Variants in NTM observed in about 807,000 individuals in gnomAD.
The protein encoded by NTM is neurotrimin.
A neutral mutation model predicts 42.1 loss-of-function variants in NTM; 13 were observed. The ratio of observed to expected loss-of-function variants is 0.31; its 90% confidence interval spans 0.20 to 0.49. NTM has a LOEUF of 0.49. Ranked by LOEUF, NTM falls within the 20% of genes least tolerant of loss-of-function variation. The pLI, the probability that NTM is intolerant of heterozygous loss-of-function variation, is 0.99. For missense variants in NTM, 373 were observed against 452.8 expected (o/e 0.82, Z 1.60); for synonymous variants, 187 against 179.2 (o/e 1.04, Z -0.35).
chr11:131,483,217 T>C (rs1321950568), intron 1 of NTM, among the ~76,000 whole-genome samples: 1 of 152,192 alleles, frequency 6.6e-6, no homozygotes, highest in African/African-American at 2.4e-5. Context: ...CTCCTTCACC[T>C]TAGTATTGGA....
intron 1 of NTM, among the ~76,000 whole-genome samples, chr11:131,699,116 C>T (rs368378287): frequency 1.9e-4 from 29 of 152,270 alleles, no homozygotes; most frequent in South Asian, 8.3e-4. Context: ...ACCTTAACAA[C>T]GTTAACTAAA....
At chr11:131,753,017 C>A (rs1472488276) in intron 1 of NTM, among the ~76,000 whole-genome samples, 1 of 149,918 alleles carries the variant, frequency 6.7e-6, no homozygotes, top group Non-Finnish European at 1.5e-5. Context: ...TATCCAGAAT[C>A]TACAATGAGC....
intron 1 of NTM, among the ~76,000 whole-genome samples, chr11:131,836,530 G>A (rs2043518520): frequency 6.6e-6 from 1 of 152,076 alleles, no homozygotes; most frequent in South Asian, 2.1e-4. Flanking sequence ...TAATCAATTT[G>A]TTTATTATCT....
intron 1 of NTM, among the ~76,000 whole-genome samples, chr11:131,423,062 T>C (rs1419459865): frequency 1.3e-5 from 2 of 152,200 alleles, no homozygotes; most frequent in East Asian, 3.9e-4. Context: ...AGCATTTTCA[T>C]CACATGGGAG....
chr11:131,381,323 C>A (rs902191196), intron 1 of NTM, among the ~76,000 whole-genome samples: 16 of 152,166 alleles, frequency 1.1e-4, no homozygotes, highest in Non-Finnish European at 1.3e-4. Flanking sequence ...GAGTACTTGA[C>A]TTTCTTCCTG....
At chr11:131,885,415 C>T (rs1198085579) in intron 1 of NTM, among the ~76,000 whole-genome samples, 1 of 152,190 alleles carries the variant, frequency 6.6e-6, no homozygotes, top group Non-Finnish European at 1.5e-5. Flanking sequence ...AGCCAGCTGA[C>T]ACATAAAAAT....
At chr11:131,453,569 C>A (rs555590849) in intron 1 of NTM, among the ~76,000 whole-genome samples, 1 of 152,066 alleles carries the variant, frequency 6.6e-6, no homozygotes, top group South Asian at 2.1e-4. Context: ...AAAACACAAG[C>A]AAACAAAAGA....
At chr11:131,562,648 G>T (rs1367396456) in intron 1 of NTM, among the ~76,000 whole-genome samples, 2 of 152,148 alleles carry the variant, frequency 1.3e-5, no homozygotes, top group African/African-American at 4.8e-5. Flanking sequence ...ATTCACTTTC[G>T]CTACTTTTCC....
intron 2 of NTM, among the ~76,000 whole-genome samples, chr11:131,982,074 CA>C (rs1436560174): frequency 5.3e-5 from 8 of 151,476 alleles, no homozygotes; most frequent in Admixed American, 4.6e-4. Flanking sequence ...AACAACACAA[CA>C]AAAAACACTA....
chr11:132,258,260 G>A lies in NTM; in HGVS notation c.526+46113G>A, dbSNP rs116186218. On this transcript the variant is annotated intron_variant, in intron 4 of 8. Coordinates refer to ENST00000683400, the MANE Select transcript of NTM (RefSeq NM_001352005.2). ...TTTTCTAAACTCTGTCCTCATCTCA[G>A]TTGTTAATCATCTTCTGCTTCTGTC... 9.2e-4 allele frequency among the ~76,000 whole-genome samples: 140 copies of A among 152,334 alleles called. 1 individual carries two copies. Among genetic ancestry groups the A allele is most frequent in the African/African-American group, 3.3e-3 (138 of 41,572 alleles).
At chr11:131,709,778 G>A (rs890775019) in intron 1 of NTM, among the ~76,000 whole-genome samples, 4 of 152,090 alleles carry the variant, frequency 2.6e-5, no homozygotes, top group Non-Finnish European at 5.9e-5. Context: ...AAAATGGAGC[G>A]AATATAGATA....
intron 3 of NTM, among the ~76,000 whole-genome samples, chr11:132,149,272 A>G (rs1435469880): frequency 6.7e-6 from 1 of 149,702 alleles, no homozygotes; most frequent in Non-Finnish European, 1.5e-5. Context: ...TTATCTTGGG[A>G]TCGTTTATTA....
chr11:131,423,988 T>C (rs1261597171), intron 1 of NTM, among the ~76,000 whole-genome samples: 3 of 152,316 alleles, frequency 2.0e-5, no homozygotes, highest in East Asian at 3.9e-4. Flanking sequence ...CCTGACCAGC[T>C]GGTTAGGGAG....
intron 1 of NTM, among the ~76,000 whole-genome samples, chr11:131,587,263 G>A (rs1329462371): frequency 7.9e-5 from 12 of 152,064 alleles, no homozygotes; most frequent in Non-Finnish European, 1.5e-4. Context: ...CCTGGATAAC[G>A]TGGTGAAACC....
chr11:131,989,610 T>C (rs2066659495), intron 2 of NTM, among the ~76,000 whole-genome samples: 1 of 152,160 alleles, frequency 6.6e-6, no homozygotes, highest in African/African-American at 2.4e-5. Flanking sequence ...GGGGTTCTAA[T>C]GTGTATCAGT....
At chr11:131,929,173 G>A (rs895157018) in intron 2 of NTM, among the ~76,000 whole-genome samples, 1 of 152,232 alleles carries the variant, frequency 6.6e-6, no homozygotes, top group South Asian at 2.1e-4. Context: ...AAGTGTGCGA[G>A]TTTAGACTCC....
chr11:132,239,917 C>T (rs1052688563), intron 4 of NTM, among the ~76,000 whole-genome samples: 2 of 152,172 alleles, frequency 1.3e-5, no homozygotes, highest in African/African-American at 4.8e-5. Flanking sequence ...GGTTTGGGAG[C>T]ATTATGCCTC....
chr11:131,571,779 G>A (rs2057462924), intron 1 of NTM, among the ~76,000 whole-genome samples: 1 of 152,216 alleles, frequency 6.6e-6, no homozygotes, highest in African/African-American at 2.4e-5. Flanking sequence ...TCTGAATCCT[G>A]TACTATTTAA....
intron 1 of NTM, among the ~76,000 whole-genome samples, chr11:131,373,871 A>G (rs1941568344): frequency 6.6e-6 from 1 of 152,212 alleles, no homozygotes; most frequent in African/African-American, 2.4e-5. Context: ...CAGACAGGGC[A>G]GAGGAGAAGG....
Sources: allele counts gnomAD v4.1 joint callset (sites outside exome capture counted in the v4.1 genomes callset), GRCh38; gene constraint gnomAD v4.1.1; transcripts MANE v1.5; gene names NCBI Gene and HGNC (gene_info 2026-07-23, HGNC 2026-07-21).